The following DYNLT1 variants were observed in gnomAD, a reference collection of about 807,000 sequenced individuals.
The protein encoded by DYNLT1 is T-complex testis-specific protein 1 homolog.
Under a neutral mutation model 19.6 loss-of-function variants are expected in DYNLT1, and 18 were observed. The observed-to-expected ratio is 0.92, with a 90% CI of 0.64 to 1.36. DYNLT1 has a LOEUF of 1.36. Among genes scored for constraint, DYNLT1 ranks in the 40% most tolerant of loss-of-function variants. The pLI, the probability that DYNLT1 is intolerant of heterozygous loss-of-function variation, is 0.00. For synonymous variants in DYNLT1, 56 were observed against 44.0 expected (o/e 1.27, Z -1.07); for missense variants, 137 against 139.3 (o/e 0.98, Z 0.08).
intron 2 of DYNLT1, among the ~76,000 whole-genome samples, chr6:158,640,661 T>C (rs192701451): frequency 6.2e-4 from 95 of 152,290 alleles, no homozygotes; most frequent in Middle Eastern, 6.8e-3. Flanking sequence ...CTGAACTCCC[T>C]GGGTGGGTCA....
rs1787174373 is a variant in DYNLT1 at position 158,643,048 on chromosome 6, C to G, written c.27+1634G>C. On this transcript the variant is annotated intron_variant, in intron 1 of 4. Coordinates refer to ENST00000367089, the MANE Select transcript of DYNLT1 (RefSeq NM_006519.4). ...GGTCTCCACCTCCCAGGGCCTCCATCCCAGGTAGAACACTCATCACTCTGT... is the reference window on the plus strand; with the variant it reads ...GGTCTCCACCTCCCAGGGCCTCCATGCCAGGTAGAACACTCATCACTCTGT... Among the ~76,000 whole-genome samples the G allele has an allele frequency of 5.3e-5, 8 of 152,292 alleles. No individual in the cohort carries two copies. In the South Asian group the frequency reaches 1.7e-3, roughly 32 times the overall value.
intron 1 of DYNLT1, among the ~76,000 whole-genome samples, chr6:158,643,190 C>T (rs980695897): frequency 6.6e-6 from 1 of 152,104 alleles, no homozygotes; most frequent in Admixed American, 6.5e-5. Context: ...CTTTACAAAG[C>T]GATTTCTTTT....
intron 2 of DYNLT1, among the ~76,000 whole-genome samples, chr6:158,639,592 G>A (rs1787092722): frequency 6.6e-6 from 1 of 152,166 alleles, no homozygotes; most frequent in African/African-American, 2.4e-5. Flanking sequence ...ACCTATTGCG[G>A]CGGCAAAAAA....
intron 2 of DYNLT1, among the ~76,000 whole-genome samples, chr6:158,640,079 G>C (rs567284524): frequency 6.6e-6 from 1 of 152,228 alleles, no homozygotes; most frequent in East Asian, 1.9e-4. Context: ...TTCCCAACAA[G>C]CCCCCTCCAC....
At chr6:158,643,961 G>C (rs1274182130) in intron 1 of DYNLT1, among the ~76,000 whole-genome samples, 1 of 151,930 alleles carries the variant, frequency 6.6e-6, no homozygotes, top group East Asian at 1.9e-4. Flanking sequence ...CCGAATGACC[G>C]TGAGCTTGAA....
intron 1 of DYNLT1, among the ~76,000 whole-genome samples, chr6:158,644,445 C>G (rs1411298913): frequency 6.6e-6 from 1 of 152,174 alleles, no homozygotes; most frequent in Non-Finnish European, 1.5e-5. Context: ...CCCGGTGCCT[C>G]CCCGCGCGGG....
At chr6:158,638,774 C>T (rs918222588) in intron 2 of DYNLT1, among the ~76,000 whole-genome samples, 1 of 152,142 alleles carries the variant, frequency 6.6e-6, no homozygotes, top group East Asian at 1.9e-4. Context: ...CTTTATTATA[C>T]GTTTACTTCT....
At position 158,638,836 on chromosome 6, in the gene DYNLT1, G is replaced by C. The variant is rs138552274; in HGVS notation, c.70-942C>G. Among the ~76,000 whole-genome samples the C allele has an allele frequency of 1.4e-3, 211 of 152,170 alleles. 1 individual carries two copies. The highest frequency in any genetic ancestry group is 4.5e-3 in the African/African-American group (188 of 41,504). On this transcript the variant is annotated intron_variant, in intron 2 of 4. Coordinates refer to ENST00000367089, the MANE Select transcript of DYNLT1 (RefSeq NM_006519.4). ...TATCTGACAATGCAAGCTCATTGTC[G>C]CTGCTCTTGCTAAGCTTATCATTAT...
intron 1 of DYNLT1, among the ~76,000 whole-genome samples, chr6:158,643,701 G>C (rs1353006136): frequency 2.6e-5 from 4 of 152,078 alleles, no homozygotes; most frequent in Non-Finnish European, 2.9e-5. Flanking sequence ...GGCTGCTCTC[G>C]AACTCCTGAC....
chr6:158,637,600 C>T, intron 3 of DYNLT1, 171 bp downstream of exon 3: 1 of 965,688 alleles, frequency 1.0e-6, no homozygotes. Context: ...GCAATTGTAC[C>T]AGCAGCCAAA....
Position 158,637,189 on chromosome 6 carries a change from C to G in DYNLT1, c.210G>C (p.Met70Ile). The G allele has an allele frequency of 6.2e-7, 1 of 1,614,158 alleles. No homozygotes were observed. The highest frequency in any genetic ancestry group is 8.5e-7 in the Non-Finnish European group (1 of 1,180,002). ...PFKYIVTCVI[M>I]QKNGAGLHTA... ...TGTGTAATCCAGCTCCATTCTTCTGCATAATTACACAGGTCACTTAAGTTA... is the reference window on the plus strand; with the variant it reads ...TGTGTAATCCAGCTCCATTCTTCTGGATAATTACACAGGTCACTTAAGTTA... The change falls in exon 4 of 5, where the codon ATG becomes ATC. Residue 70 changes from methionine (M) to isoleucine (I), a missense_variant. Coordinates refer to ENST00000367089, the MANE Select transcript of DYNLT1 (RefSeq NM_006519.4).
At position 158,644,700 on chromosome 6, in the gene DYNLT1, G is replaced by C. The variant is rs1218902700; in HGVS notation, c.9C>G (p.Asp3Glu). The C allele has an allele frequency of 4.3e-5, 70 of 1,611,812 alleles. No homozygotes were observed. Among genetic ancestry groups the C allele is most frequent in the Non-Finnish European group, 5.5e-5 (65 of 1,179,728 alleles). The change falls in exon 1 of 5, where the codon GAC (aspartate) becomes GAG (glutamate). Residue 3 changes from aspartate to glutamate, a missense_variant. Transcript: ENST00000367089. ...CGGTTACCTCCTCCGCAGCCTGGTAGTCTTCCATCTTTCCTCCGGCGCGTC... is the reference window on the plus strand; with the variant it reads ...CGGTTACCTCCTCCGCAGCCTGGTACTCTTCCATCTTTCCTCCGGCGCGTC... Reference protein sequence around the residue: MEDYQAAEETAFV... With the variant: MEEYQAAEETAFV...
Position 158,636,538 on chromosome 6 carries a change from T to C in DYNLT1, c.*289A>G. On this transcript the variant is annotated 3_prime_UTR_variant, in exon 5 of 5. Transcript: ENST00000367089. ...ATGGAAAATTAGTGTATTTGAATCA[T>C]TTCAGAGAGTAGAGCAAGTTTCACA... is the stretch of plus-strand genomic sequence containing the variant. The C allele has an allele frequency of 2.7e-6, 1 of 366,808 alleles. No individual in the cohort carries two copies. The highest frequency in any genetic ancestry group is 3.5e-5 in the South Asian group (1 of 28,642). The allele number at this position is 366,808 out of a possible 1,614,324, so 22.7% of individuals were successfully genotyped here. A position where few individuals can be genotyped will look rare whatever the true frequency, so the allele number is the denominator to read the frequency against.
intron 2 of DYNLT1, 88 bp downstream of exon 2, chr6:158,641,231 G>T: frequency 7.8e-7 from 1 of 1,276,522 alleles, no homozygotes; most frequent in African/African-American, 1.5e-5. Flanking sequence ...AGACTCAGTC[G>T]AAACAATTCC....
At chr6:158,638,035 T>A in intron 2 of DYNLT1, 141 bp from the exon 3 acceptor site, 1 of 1,271,726 alleles carries the variant, frequency 7.9e-7, no homozygotes, top group South Asian at 1.5e-5. Context: ...AATATACTTT[T>A]AATAGCATTA....
At chr6:158,644,466 A>G (rs1440562468) in intron 1 of DYNLT1, among the ~76,000 whole-genome samples, 1 of 152,096 alleles carries the variant, frequency 6.6e-6, no homozygotes, top group African/African-American at 2.4e-5. Context: ...AAGAAGCTCA[A>G]TCCCCTTCCC....
chr6:158,639,102 T>C (rs942487122), intron 2 of DYNLT1, among the ~76,000 whole-genome samples: 1 of 152,126 alleles, frequency 6.6e-6, no homozygotes, highest in Non-Finnish European at 1.5e-5. Flanking sequence ...GAGCTGTGCA[T>C]GGTGGTGATG....
rs1787001294 is a variant in DYNLT1, at chr6:158,636,612, A to T, written c.*215T>A. On this transcript the variant is annotated 3_prime_UTR_variant, in exon 5 of 5. Transcript: ENST00000367089. ...CCTTTGAAATGAAATATTCAGAGTT[A>T]AGACAAGTGGCAACGCAGGCTGCAG... 1 of 520,418 alleles carries T rather than the reference A, an allele frequency of 1.9e-6. No homozygotes were observed. The highest frequency in any genetic ancestry group is 3.3e-5 in the Admixed American group (1 of 30,020). 32.2% of individuals were successfully genotyped at this position (520,418 alleles called of 1,614,324 possible).
chr6:158,638,081 A>G (rs1191554691), intron 2 of DYNLT1, among the ~76,000 whole-genome samples, 187 bp from the exon 3 acceptor site: 1 of 152,204 alleles, frequency 6.6e-6, no homozygotes, highest in Admixed American at 6.5e-5. Flanking sequence ...TTGCTTCAAA[A>G]ATTCATAGTC....
Sources: gnomAD v4.1 joint callset for allele counts (sites outside exome capture counted in the v4.1 genomes callset) on GRCh38, gnomAD v4.1.1 for gene constraint, MANE v1.5 for transcripts, NCBI Gene and HGNC (gene_info 2026-07-23, HGNC 2026-07-21) for gene names.